PLXNA4: variants seen among roughly 807,000 people sequenced by gnomAD.
The protein encoded by PLXNA4 is plexin A4.
PLXNA4 carries 44 observed loss-of-function variants against 191.8 expected under a neutral mutation model. That is an observed-to-expected ratio of 0.23 (90% CI 0.18 to 0.29). The LOEUF is 0.29. PLXNA4 is among the 10% of genes least tolerant of loss of function. The probability of loss-of-function intolerance (pLI) is 1.00; values close to 1 mark genes in which losing one functional copy is unlikely to be tolerated. For missense variants in PLXNA4, 1,800 were observed against 2,488.8 expected, an observed-to-expected ratio of 0.72 and a Z score of 5.89; for synonymous variants, 1,082 against 1,009.5, an observed-to-expected ratio of 1.07 and a Z score of -1.36.
intron 2 of PLXNA4, among the ~76,000 whole-genome samples, chr7:132,587,775 C>T (rs927839382): frequency 5.9e-5 from 9 of 151,946 alleles, no homozygotes; most frequent in African/African-American, 1.9e-4. Flanking sequence ...TGCCTCTCCC[C>T]ACTCTGCACT....
chr7:132,234,984 G>A (rs990139564), intron 5 of PLXNA4, among the ~76,000 whole-genome samples: 1 of 152,232 alleles, frequency 6.6e-6, no homozygotes, highest in Non-Finnish European at 1.5e-5. Context: ...GCTGTGGGAT[G>A]TGCCTCAGTG....
At chr7:132,528,570 T>C (rs1174772387) in intron 1 of PLXNA4, among the ~76,000 whole-genome samples, 2 of 152,172 alleles carry the variant, frequency 1.3e-5, no homozygotes, top group Admixed American at 6.5e-5. Context: ...GCCTGATGAA[T>C]GGGACTGAAT....
chr7:132,281,524 T>C lies in PLXNA4; in HGVS notation c.1503+16567A>G, dbSNP rs1015246927. Reference sequence around the variant, plus strand: ...TCCAAGTTTTAAAAGTTTTAAGATATGAATTTTTAAAGTGTCACATTTACT... The same window carrying C: ...TCCAAGTTTTAAAAGTTTTAAGATACGAATTTTTAAAGTGTCACATTTACT... On this transcript the variant is annotated intron_variant, in intron 4 of 31. Transcript: ENST00000321063. Among the ~76,000 whole-genome samples, 5 of 152,308 alleles carry C rather than the reference T, an allele frequency of 3.3e-5. No homozygotes were observed. The South Asian group carries it at 8.3e-4, about 25-fold the overall frequency.
At chr7:132,436,205 T>G (rs1264853179) in intron 3 of PLXNA4, among the ~76,000 whole-genome samples, 1 of 152,196 alleles carries the variant, frequency 6.6e-6, no homozygotes, top group African/African-American at 2.4e-5. Context: ...CTTCCTGTAT[T>G]CATCTGGCAA....
chr7:132,528,386 A>G (rs989102250), intron 1 of PLXNA4, among the ~76,000 whole-genome samples: 22 of 152,278 alleles, frequency 1.4e-4, no homozygotes, highest in African/African-American at 4.6e-4. Flanking sequence ...AATATTCCCA[A>G]CTGTATTCAG....
chr7:132,135,690 G>T (rs1301580967), intron 30 of PLXNA4, among the ~76,000 whole-genome samples: 2 of 152,230 alleles, frequency 1.3e-5, no homozygotes, highest in Non-Finnish European at 2.9e-5. Flanking sequence ...AAGACAGAGA[G>T]AGCTGCTGGG....
chr7:132,257,538 A>T (rs10241293), intron 4 of PLXNA4, among the ~76,000 whole-genome samples: 2 of 152,036 alleles, frequency 1.3e-5, no homozygotes, highest in African/African-American at 4.8e-5. Flanking sequence ...CAGGGGCTGC[A>T]GACTTCAGGG....
intron 1 of PLXNA4, among the ~76,000 whole-genome samples, chr7:132,534,620 G>A (rs1159423655): frequency 1.3e-5 from 2 of 152,186 alleles, no homozygotes; most frequent in Non-Finnish European, 2.9e-5. Context: ...GGAGCAAATA[G>A]GATGGACACT....
intron 3 of PLXNA4, among the ~76,000 whole-genome samples, chr7:132,385,905 G>C (rs758308560): frequency 1.6e-4 from 25 of 152,314 alleles, no homozygotes; most frequent in Non-Finnish European, 1.5e-4. Flanking sequence ...TCTGAACCTA[G>C]CTGGAATCAC....
chr7:132,591,582 A>C (rs888543284), intron 2 of PLXNA4, among the ~76,000 whole-genome samples: 1 of 152,252 alleles, frequency 6.6e-6, no homozygotes. Context: ...TTATAAATAC[A>C]TACATGTGTA....
At chr7:132,640,332 G>T (rs933357077) in intron 2 of PLXNA4, among the ~76,000 whole-genome samples, 1 of 152,184 alleles carries the variant, frequency 6.6e-6, no homozygotes, top group Non-Finnish European at 1.5e-5. Flanking sequence ...CTAAATAAAT[G>T]CATATAGCCA....
Position 132,540,569 on chromosome 7 carries a change from C to CTTTTTTTTTTTTTT in PLXNA4, c.-86-31804_-86-31791dup, listed in dbSNP as rs71915138. ...AGCAGAAGGTGTAGTGTGGACCGTT[C>CTTTTTTTTTTTTTT]TTTTTTTTTTTTTTTTTTTTTTTTT... On this transcript the variant is annotated intron_variant, in intron 1 of 31. Coordinates refer to ENST00000321063, the MANE Select transcript of PLXNA4 (RefSeq NM_020911.2). 3.3e-4 allele frequency among the ~76,000 whole-genome samples: 20 copies of CTTTTTTTTTTTTTT among 61,004 alleles called. 2 individuals carry two copies. Among genetic ancestry groups the CTTTTTTTTTTTTTT allele is most frequent in the African/African-American group, 1.1e-3 (15 of 14,020 alleles). The allele number at this position is 61,004 out of a possible 152,430, so 40.0% of individuals were successfully genotyped here. A position where few individuals can be genotyped will look rare whatever the true frequency, so the allele number is the denominator to read the frequency against.
chr7:132,321,581 A>C (rs1802167177), intron 3 of PLXNA4, among the ~76,000 whole-genome samples: 1 of 152,210 alleles, frequency 6.6e-6, no homozygotes, highest in East Asian at 1.9e-4. Context: ...CACTGGGCTG[A>C]AATGTTGGTG....
At chr7:132,388,019 T>C (rs28517820) in intron 3 of PLXNA4, among the ~76,000 whole-genome samples, 13,366 of 152,132 alleles carry the variant, frequency 0.088, 647 homozygotes, top group African/African-American at 0.12. Flanking sequence ...CCAGCTTCAA[T>C]CAATTCCCAC....
At chr7:132,384,746 A>G in intron 3 of PLXNA4, 1 of 3,652 alleles carries the variant, frequency 2.7e-4, no homozygotes, top group East Asian at 0.038. Flanking sequence ...AGATAAGCAT[A>G]CACACACACA....
At chr7:132,222,266 A>C (rs1226905548) in intron 9 of PLXNA4, among the ~76,000 whole-genome samples, 1 of 152,238 alleles carries the variant, frequency 6.6e-6, no homozygotes, top group Admixed American at 6.5e-5. Context: ...AGCACAGTGC[A>C]GTCACTACCC....
intron 3 of PLXNA4, among the ~76,000 whole-genome samples, chr7:132,415,201 C>T (rs148914804): frequency 2.0e-5 from 3 of 152,356 alleles, no homozygotes; most frequent in Admixed American, 6.5e-5. Context: ...AGTTGGCGGC[C>T]TGCAGAGCAA....
At chr7:132,184,625 G>T (rs74970419) in intron 16 of PLXNA4, among the ~76,000 whole-genome samples, 1,768 of 152,262 alleles carry the variant, frequency 0.012, 40 homozygotes, top group African/African-American at 0.04. Context: ...GTACCAATTT[G>T]CCCAAGGTAA....
At chr7:132,546,791 G>A (rs369347571) in intron 1 of PLXNA4, among the ~76,000 whole-genome samples, 2 of 152,128 alleles carry the variant, frequency 1.3e-5, no homozygotes, top group African/African-American at 2.4e-5. Context: ...CACCCTTGTC[G>A]ATTCTGGTTA....
Sources: gnomAD v4.1 joint callset for allele counts (sites outside exome capture counted in the v4.1 genomes callset) on GRCh38, gnomAD v4.1.1 for gene constraint, MANE v1.5 for transcripts, NCBI Gene and HGNC (gene_info 2026-07-23, HGNC 2026-07-21) for gene names.